RELN: variants seen among roughly 807,000 people sequenced by gnomAD.
RELN encodes reelin.
In RELN, 108 loss-of-function variants were observed where a neutral mutation model predicts 427.6. The ratio of observed to expected loss-of-function variants is 0.25; its 90% CI spans 0.22 to 0.30. The LOEUF is 0.30. Ranked by LOEUF, RELN falls within the 10% of genes least tolerant of loss-of-function variation. The pLI, the probability that RELN is intolerant of heterozygous loss-of-function variation, is 1.00. For missense variants in RELN, 3,715 were observed against 4,302.8 expected, an observed-to-expected ratio of 0.86 and a Z score of 3.82; for synonymous variants, 1,524 against 1,513.4, an observed-to-expected ratio of 1.01 and a Z score of -0.16.
chr7:103,708,273 T>C (rs1834248731), intron 8 of RELN, among the ~76,000 whole-genome samples: 2 of 152,262 alleles, frequency 1.3e-5, no homozygotes, highest in South Asian at 4.1e-4. Flanking sequence ...TAGAGGTACA[T>C]GTGAACTCAA....
intron 45 of RELN, among the ~76,000 whole-genome samples, chr7:103,537,374 G>C (rs362738): frequency 6.6e-6 from 1 of 151,434 alleles, no homozygotes; most frequent in African/African-American, 2.4e-5. Context: ...GCTAATCTTC[G>C]TGAAATACAT....
chr7:103,528,875 C>T (rs1028088747), intron 46 of RELN, among the ~76,000 whole-genome samples: 9 of 151,684 alleles, frequency 5.9e-5, no homozygotes, highest in African/African-American at 7.3e-5. Context: ...TGGTGGCTCA[C>T]GCCTGTAATC....
chr7:103,755,578 A>C (rs886335437), intron 4 of RELN, among the ~76,000 whole-genome samples: 3 of 150,082 alleles, frequency 2.0e-5, no homozygotes, highest in African/African-American at 7.4e-5. Flanking sequence ...ACCGCACTCC[A>C]GCCTGGGGGA....
intron 53 of RELN, among the ~76,000 whole-genome samples, chr7:103,500,026 G>T (rs59773217): frequency 0.043 from 6,508 of 152,210 alleles, 443 homozygotes; most frequent in African/African-American, 0.15. Context: ...ACAAATGACA[G>T]AACAGGTTTG....
At chr7:103,559,351 G>A (rs758146188) in intron 36 of RELN, among the ~76,000 whole-genome samples, 3 of 152,148 alleles carry the variant, frequency 2.0e-5, no homozygotes, top group Non-Finnish European at 2.9e-5. Flanking sequence ...TAATGAAAAC[G>A]CAACTGCATT....
intron 1 of RELN, among the ~76,000 whole-genome samples, chr7:103,956,081 A>G (rs1476555527): frequency 6.6e-6 from 1 of 152,164 alleles, no homozygotes; most frequent in Non-Finnish European, 1.5e-5. Flanking sequence ...TTTACCCAGC[A>G]TCTCATGTGT....
chr7:103,629,250 G>A (rs1214216046), intron 20 of RELN, among the ~76,000 whole-genome samples: 5 of 152,078 alleles, frequency 3.3e-5, no homozygotes, highest in Non-Finnish European at 7.4e-5. Context: ...TCCTACTGAT[G>A]TACATGAAGT....
intron 10 of RELN, among the ~76,000 whole-genome samples, chr7:103,689,818 T>C (rs1833836831): frequency 6.6e-6 from 1 of 152,186 alleles, no homozygotes; most frequent in Non-Finnish European, 1.5e-5. Context: ...AGCAGGCAGC[T>C]GCAGCAGCTC....
intron 59 of RELN, among the ~76,000 whole-genome samples, chr7:103,490,216 G>A (rs1828602323): frequency 6.6e-6 from 1 of 152,144 alleles, no homozygotes; most frequent in East Asian, 1.9e-4. Context: ...ACCGAATGCT[G>A]CTCTAGGAAG....
intron 10 of RELN, among the ~76,000 whole-genome samples, chr7:103,683,804 A>G (rs1313469622): frequency 6.6e-6 from 1 of 152,182 alleles, no homozygotes; most frequent in Non-Finnish European, 1.5e-5. Context: ...AACACACCCA[A>G]AGGAAGCAGC....
At chr7:103,789,873 C>A (rs551085859) in intron 3 of RELN, among the ~76,000 whole-genome samples, 128 of 152,290 alleles carry the variant, frequency 8.4e-4, no homozygotes, top group Non-Finnish European at 1.5e-3. Flanking sequence ...ACTATAAAGA[C>A]ACATGCACAT....
Position 103,682,244 on chromosome 7 carries a change from A to G in RELN, c.1161T>C (p.Asp387=), listed in dbSNP as rs1355109162. ...TTCCATGGAAATAAATGGAGTTCCC[A>G]TCTGACTGACAGCTATGCTGTAGGT... ...GATVKHSCQS[D]GNSIYFHGNE... The change falls in exon 11 of 65, where the codon GAT becomes GAC. Residue 387 remains aspartate, a synonymous_variant. Transcript: ENST00000428762. 4 of 1,614,064 alleles carry G rather than the reference A, an allele frequency of 2.5e-6. No individual in the cohort carries two copies. The highest frequency in any genetic ancestry group is 1.7e-5 in the Admixed American group (1 of 60,022).
At chr7:103,490,539 A>C (rs1274692524) in intron 59 of RELN, 129 bp downstream of exon 59, 4 of 972,508 alleles carry the variant, frequency 4.1e-6, no homozygotes, top group Non-Finnish European at 6.6e-6. Context: ...AAAAGGAGGG[A>C]AGATGGGAGA....
chr7:103,740,137 C>CA (rs201437906), intron 6 of RELN, among the ~76,000 whole-genome samples: 2,956 of 149,382 alleles, frequency 0.02, 46 homozygotes, highest in African/African-American at 0.043. Flanking sequence ...CAAAAACAAA[C>CA]AAAAAAAAAT....
At chr7:103,715,926 A>T (rs10247465) in intron 8 of RELN, among the ~76,000 whole-genome samples, 1 of 151,988 alleles carries the variant, frequency 6.6e-6, no homozygotes, top group Non-Finnish European at 1.5e-5. Context: ...TGTAAACTAC[A>T]CCCGAATGCT....
rs747925712 is a variant in RELN, at chr7:103,572,044, C to T, written c.4588+140G>A. 7.1e-4 allele frequency: 488 copies of T among 684,926 alleles called. 5 individuals are homozygous for T. The highest frequency in any genetic ancestry group is 1.4e-4 in the South Asian group (9 of 64,076). 42.4% of individuals were successfully genotyped at this position (684,926 alleles called of 1,614,324 possible). A position where few individuals can be genotyped will look rare whatever the true frequency, so the allele number is the denominator to read the frequency against. On this transcript the variant is annotated intron_variant, in intron 31 of 64. Coordinates refer to ENST00000428762, the MANE Select transcript of RELN (RefSeq NM_005045.4). ...AGAGATCTTGGCTCTGTGCAGCCAC[C>T]GATTCTACAAAGCAGAAGAGAAGAG...
chr7:103,639,758 A>T (rs1185228872), intron 17 of RELN, among the ~76,000 whole-genome samples: 1 of 152,112 alleles, frequency 6.6e-6, no homozygotes, highest in African/African-American at 2.4e-5. Context: ...TCATTAACTA[A>T]TTAGCTAATT....
intron 14 of RELN, 120 bp downstream of exon 14, chr7:103,652,431 A>T: frequency 1.3e-6 from 1 of 774,982 alleles, no homozygotes; most frequent in East Asian, 2.7e-5. Context: ...GTGTTATTTC[A>T]TCAATGAGTA....
chr7:103,724,752 C>T (rs1354556540), intron 7 of RELN, among the ~76,000 whole-genome samples: 2 of 151,502 alleles, frequency 1.3e-5, no homozygotes, highest in Non-Finnish European at 2.9e-5. Flanking sequence ...ATTTCTTTAC[C>T]TTTACCCATT....
Sources: gnomAD v4.1 joint callset for allele counts (sites outside exome capture counted in the v4.1 genomes callset) on GRCh38, gnomAD v4.1.1 for gene constraint, MANE v1.5 for transcripts, NCBI Gene and HGNC (gene_info 2026-07-23, HGNC 2026-07-21) for gene names.